SPOPL: variants seen among roughly 807,000 people sequenced by gnomAD.
SPOPL encodes speckle-type POZ protein-like.
In SPOPL, 23 loss-of-function variants were observed where a neutral mutation model predicts 53.8. The ratio of observed to expected loss-of-function variants is 0.43; its 90% CI spans 0.31 to 0.61. The LOEUF (loss-of-function observed/expected upper bound fraction) is 0.61, where lower values mean the gene tolerates loss of function less well. Among genes scored for constraint, SPOPL ranks in the 20% least tolerant of loss-of-function variants. SPOPL has a pLI of 0.12. For synonymous variants in SPOPL, 164 were observed against 149.7 expected (o/e 1.10, Z -0.70); for missense variants, 442 against 466.9 (o/e 0.95, Z 0.49).
At chr2:138,506,313 TA>T (rs1421814420) in intron 1 of SPOPL, among the ~76,000 whole-genome samples, 17 of 152,358 alleles carry the variant, frequency 1.1e-4, no homozygotes, top group African/African-American at 4.1e-4. Flanking sequence ...CAAATTGCTG[TA>T]AACGTTCCTA....
chr2:138,559,777 C>G (rs1194044571), intron 7 of SPOPL, among the ~76,000 whole-genome samples: 1 of 152,176 alleles, frequency 6.6e-6, no homozygotes, highest in Non-Finnish European at 1.5e-5. Flanking sequence ...TACTTGACTT[C>G]CCCAGATGTT....
At chr2:138,515,540 GAA>G (rs1684419452) in intron 1 of SPOPL, among the ~76,000 whole-genome samples, 1 of 152,170 alleles carries the variant, frequency 6.6e-6, no homozygotes, top group Admixed American at 6.5e-5. Context: ...AAATTTCACA[GAA>G]GTGTTGCTAA....
In SPOPL at chr2:138,519,424, T is replaced by TA. The variant is rs1684509883; in HGVS notation, c.-61+17305_-61+17306insA. Among the ~76,000 whole-genome samples the TA allele has an allele frequency of 2.7e-5, 4 of 148,760 alleles. No homozygotes were observed. In the Admixed American group the frequency reaches 2.8e-4, roughly 10 times the overall value. On this transcript the variant is annotated intron_variant, in intron 1 of 10. Coordinates refer to ENST00000280098, the MANE Select transcript of SPOPL (RefSeq NM_001001664.3). ...GATTCAATTTCTGATTTGTTGGGCT[T>TA]TAAAAAAAAAAAAACAACTCTGTGA... is the stretch of plus-strand genomic sequence containing the variant.
chr2:138,517,315 A>C (rs1256816369), intron 1 of SPOPL, among the ~76,000 whole-genome samples: 1 of 152,192 alleles, frequency 6.6e-6, no homozygotes, highest in Non-Finnish European at 1.5e-5. Flanking sequence ...TCCGACAATT[A>C]TTACACCTCT....
intron 1 of SPOPL, among the ~76,000 whole-genome samples, chr2:138,526,557 A>G (rs1684679551): frequency 6.6e-6 from 1 of 152,102 alleles, no homozygotes; most frequent in Non-Finnish European, 1.5e-5. Context: ...TTATAAAACT[A>G]TACTGAGAGT....
intron 4 of SPOPL, 70 bp downstream of exon 4, chr2:138,551,124 A>G: frequency 1.3e-6 from 2 of 1,540,306 alleles, no homozygotes; most frequent in Non-Finnish European, 8.8e-7. Flanking sequence ...CTGCACCTTT[A>G]CCTAGAAAAG....
rs1159871731 is a variant in SPOPL, at chr2:138,570,923, T to C, written c.*1843T>C. ...TTACTTTCTATGTAGTTTCATTCTT[T>C]GTCGTGGTAACTTAAATTTGAAATT... On this transcript the variant is annotated 3_prime_UTR_variant, in exon 11 of 11. Coordinates refer to ENST00000280098, the MANE Select transcript of SPOPL (RefSeq NM_001001664.3). 2.0e-5 allele frequency: 3 copies of C among 152,152 alleles called. No individual in the cohort carries two copies. Among genetic ancestry groups the C allele is most frequent in the Admixed American group, 2.0e-4 (3 of 15,266 alleles). The allele number at this position is 152,152 out of a possible 1,614,324, so 9.4% of individuals were successfully genotyped here.
chr2:138,546,596 T>A (rs1371246808), intron 1 of SPOPL, among the ~76,000 whole-genome samples: 1 of 152,232 alleles, frequency 6.6e-6, no homozygotes, highest in Non-Finnish European at 1.5e-5. Flanking sequence ...CCAGTCCTCA[T>A]TTGTAAAATA....
At chr2:138,529,793 T>C (rs1238075454) in intron 1 of SPOPL, among the ~76,000 whole-genome samples, 4 of 152,208 alleles carry the variant, frequency 2.6e-5, no homozygotes, top group African/African-American at 9.7e-5. Context: ...TGAGTTTATA[T>C]GTTAGTCTGA....
At position 138,522,301 on chromosome 2, in the gene SPOPL, C is replaced by T. The variant is rs920068815; in HGVS notation, c.-61+20182C>T. Among the ~76,000 whole-genome samples, 3 of 152,148 alleles carry T rather than the reference C, an allele frequency of 2.0e-5. No individual in the cohort carries two copies. The East Asian group carries it at 5.8e-4, about 29-fold the overall frequency. ...CAGTGTCATGTAATTCAACCTGATA[C>T]AATTGACTGAAAAAACCTGTCAGAC... On this transcript the variant is annotated intron_variant, in intron 1 of 10. Transcript: ENST00000280098.
chr2:138,529,146 A>G (rs887252124), intron 1 of SPOPL, among the ~76,000 whole-genome samples: 5 of 152,256 alleles, frequency 3.3e-5, no homozygotes, highest in African/African-American at 1.2e-4. Context: ...TGGGGAGAAA[A>G]ATTATGAGTT....
At chr2:138,504,700 C>T (rs1037640278) in intron 1 of SPOPL, among the ~76,000 whole-genome samples, 2 of 152,158 alleles carry the variant, frequency 1.3e-5, no homozygotes, top group African/African-American at 4.8e-5. Flanking sequence ...TATCTCATCT[C>T]CTGTGCACCT....
chr2:138,515,760 C>T (rs1684424264), intron 1 of SPOPL, among the ~76,000 whole-genome samples: 2 of 152,164 alleles, frequency 1.3e-5, no homozygotes, highest in African/African-American at 4.8e-5. Context: ...CACATCGACT[C>T]TTAACTCCAG....
intron 1 of SPOPL, among the ~76,000 whole-genome samples, chr2:138,540,085 G>T (rs752208234): frequency 3.3e-5 from 5 of 152,130 alleles, no homozygotes; most frequent in Admixed American, 2.0e-4. Flanking sequence ...TGAGGGCTCT[G>T]TTCTGTTCCG....
At position 138,559,155 on chromosome 2, in the gene SPOPL, T is replaced by C; in HGVS notation, c.614T>C (p.Phe205Ser). Residue 205 changes from phenylalanine (F) to serine (S), a missense_variant, in exon 6 of 11, where the codon TTC (phenylalanine) becomes TCC (serine). Physicochemically the swap from Phe to Ser is radical, Grantham distance 155. Transcript: ENST00000280098. Reference sequence around the variant, plus strand: ...ACAAGATTTACAGACTGCAGTTTTTTCGTGAGAGGACAAGAATTTAAAGCT... The same window carrying C: ...ACAAGATTTACAGACTGCAGTTTTTCCGTGAGAGGACAAGAATTTAAAGCT... ...ENTRFTDCSF[F>S]VRGQEFKAHK... The C allele has an allele frequency of 6.2e-7, 1 of 1,613,820 alleles. No individual in the cohort carries two copies. Among genetic ancestry groups the C allele is most frequent in the Non-Finnish European group, 8.5e-7 (1 of 1,179,838 alleles).
At chr2:138,548,094 G>A (rs1685236580) in intron 1 of SPOPL, among the ~76,000 whole-genome samples, 3 of 152,068 alleles carry the variant, frequency 2.0e-5, no homozygotes, top group African/African-American at 7.2e-5. Flanking sequence ...CTATAGCAAA[G>A]CCTTATCCCC....
chr2:138,522,858 G>A (rs537087206), intron 1 of SPOPL, among the ~76,000 whole-genome samples: 3 of 152,272 alleles, frequency 2.0e-5, no homozygotes, highest in South Asian at 2.1e-4. Context: ...CTGTTTTCAC[G>A]TGTAGGTCAA....
intron 8 of SPOPL, chr2:138,564,505 G>T: frequency 1.8e-6 from 1 of 544,852 alleles, no homozygotes; most frequent in Non-Finnish European, 3.0e-6. Context: ...GCAAATTGCA[G>T]TTTCCTAAAG....
At chr2:138,553,920 G>A (rs182740852) in intron 5 of SPOPL, among the ~76,000 whole-genome samples, 4 of 152,142 alleles carry the variant, frequency 2.6e-5, no homozygotes, top group African/African-American at 9.6e-5. Context: ...CAGAATTTTA[G>A]CAGTTATCCT....
Sources: allele counts gnomAD v4.1 joint callset (sites outside exome capture counted in the v4.1 genomes callset), GRCh38; gene constraint gnomAD v4.1.1; transcripts MANE v1.5; gene names NCBI Gene and HGNC (gene_info 2026-07-23, HGNC 2026-07-21).